CHRM3: variants seen among roughly 807,000 people sequenced by gnomAD.
The protein encoded by CHRM3 is muscarinic acetylcholine receptor M3.
Under a neutral mutation model 41.8 loss-of-function variants are expected in CHRM3, and 11 were observed. That is an observed-to-expected ratio of 0.26 (90% confidence interval 0.17 to 0.44). The LOEUF (loss-of-function observed/expected upper bound fraction) is 0.44. Among genes scored for constraint, CHRM3 ranks in the 20% least tolerant of loss-of-function variants. The pLI is 1.00. For missense variants in CHRM3, 571 were observed against 745.4 expected (o/e 0.77, Z 2.72); for synonymous variants, 297 against 301.4 (o/e 0.99, Z 0.15).
chr1:239,795,294 A>C (rs1669678855), intron 5 of CHRM3, among the ~76,000 whole-genome samples: 2 of 152,222 alleles, frequency 1.3e-5, no homozygotes, highest in Non-Finnish European at 2.9e-5. Flanking sequence ...GTGGATTTAA[A>C]GGATATTTTA....
At chr1:239,562,760 C>T (rs1018704787) in intron 3 of CHRM3, among the ~76,000 whole-genome samples, 11 of 151,832 alleles carry the variant, frequency 7.2e-5, no homozygotes, top group Non-Finnish European at 7.4e-5. Flanking sequence ...TGGTGGCTGA[C>T]GCCAGTAATC....
intron 4 of CHRM3, among the ~76,000 whole-genome samples, chr1:239,655,055 G>A (rs1346256485): frequency 1.3e-5 from 2 of 152,176 alleles, no homozygotes; most frequent in African/African-American, 4.8e-5. Flanking sequence ...GTGGTGAGAA[G>A]TACAAATATA....
chr1:239,400,395 G>A (rs557514174), intron 1 of CHRM3, among the ~76,000 whole-genome samples: 27 of 152,154 alleles, frequency 1.8e-4, no homozygotes, highest in African/African-American at 6.3e-4. Flanking sequence ...TTCTCCCATA[G>A]TTTAGGTCGC....
chr1:239,669,578 T>G (rs566548610), intron 4 of CHRM3, among the ~76,000 whole-genome samples: 13 of 152,224 alleles, frequency 8.5e-5, no homozygotes, highest in African/African-American at 3.1e-4. Context: ...TCACCCAAGT[T>G]GATTCTAAGC....
In CHRM3 at chr1:239,498,648, A is replaced by G. The variant is rs533634947; in HGVS notation, c.-422+5841A>G. The stretch of plus-strand genomic sequence containing the variant: ...CTTACTGATTAATAAATTGTTCATC[A>G]GTGCTGTAATGGACATTACCTTACT... On this transcript the variant is annotated intron_variant, in intron 2 of 6. Coordinates refer to ENST00000676153, the MANE Select transcript of CHRM3 (RefSeq NM_001375978.1). 2.0e-5 allele frequency among the ~76,000 whole-genome samples: 3 copies of G among 152,288 alleles called. No homozygotes were observed. The East Asian group carries it at 5.8e-4, about 29-fold the overall frequency.
intron 2 of CHRM3, among the ~76,000 whole-genome samples, chr1:239,523,849 A>G (rs949295501): frequency 1.3e-5 from 2 of 152,226 alleles, no homozygotes; most frequent in Admixed American, 1.3e-4. Context: ...TTTGTGTAGT[A>G]CAGAGGTTAC....
chr1:239,819,277 C>A (rs6677213), intron 5 of CHRM3, among the ~76,000 whole-genome samples: 1,530 of 152,264 alleles, frequency 0.01, 22 homozygotes, highest in African/African-American at 0.034. Flanking sequence ...TCTCTTAGGT[C>A]CCCCTGCAGG....
At chr1:239,764,798 G>A (rs1325249362) in intron 5 of CHRM3, among the ~76,000 whole-genome samples, 1 of 152,216 alleles carries the variant, frequency 6.6e-6, no homozygotes, top group African/African-American at 2.4e-5. Context: ...CTCTGGGCTT[G>A]ACAAATTCTG....
At chr1:239,654,102 C>T (rs550868981) in intron 4 of CHRM3, among the ~76,000 whole-genome samples, 1 of 152,278 alleles carries the variant, frequency 6.6e-6, no homozygotes, top group African/African-American at 2.4e-5. Flanking sequence ...GCTGGGACCA[C>T]AGATGTGAGC....
intron 6 of CHRM3, among the ~76,000 whole-genome samples, chr1:239,896,095 G>A (rs1678979281): frequency 6.6e-6 from 1 of 152,230 alleles, no homozygotes; most frequent in South Asian, 2.1e-4. Flanking sequence ...AGTAGGTGAA[G>A]ATGAAAGTGT....
intron 6 of CHRM3, among the ~76,000 whole-genome samples, chr1:239,857,706 C>T (rs1180254422): frequency 6.6e-6 from 1 of 152,082 alleles, no homozygotes; most frequent in East Asian, 1.9e-4. Flanking sequence ...TTTGTTTCAC[C>T]TCAGCTAGGT....
At chr1:239,443,135 G>A (rs1253064873) in intron 1 of CHRM3, among the ~76,000 whole-genome samples, 2 of 152,154 alleles carry the variant, frequency 1.3e-5, no homozygotes, top group Non-Finnish European at 2.9e-5. Flanking sequence ...AATTACAAAA[G>A]TCTGAGGTAA....
intron 1 of CHRM3, among the ~76,000 whole-genome samples, chr1:239,460,562 CA>C (rs1386172259): frequency 6.6e-6 from 1 of 152,014 alleles, no homozygotes; most frequent in Non-Finnish European, 1.5e-5. Context: ...CTAAGGAAGA[CA>C]TTATTCCTTA....
intron 3 of CHRM3, among the ~76,000 whole-genome samples, chr1:239,608,799 G>C (rs1341144791): frequency 6.6e-6 from 1 of 152,076 alleles, no homozygotes; most frequent in Middle Eastern, 3.2e-3. Flanking sequence ...GTTTGCTCCA[G>C]GAAGAATTTT....
chr1:239,817,361 T>C (rs529097339), intron 5 of CHRM3, among the ~76,000 whole-genome samples: 3 of 152,298 alleles, frequency 2.0e-5, no homozygotes, highest in African/African-American at 7.2e-5. Context: ...CAAAACTATC[T>C]TTCTCTTCTT....
chr1:239,416,399 G>A (rs1225822047), intron 1 of CHRM3, among the ~76,000 whole-genome samples: 1 of 146,444 alleles, frequency 6.8e-6, no homozygotes, highest in African/African-American at 2.5e-5. Flanking sequence ...TACAACTTCT[G>A]ACAGATATTT....
At chr1:239,757,491 G>A (rs1023667968) in intron 5 of CHRM3, among the ~76,000 whole-genome samples, 2 of 152,016 alleles carry the variant, frequency 1.3e-5, no homozygotes, top group Non-Finnish European at 2.9e-5. Flanking sequence ...TTAGCCAGGC[G>A]TGGTGGCGAG....
chr1:239,693,784 T>G (rs185099790), intron 5 of CHRM3, among the ~76,000 whole-genome samples: 1 of 152,318 alleles, frequency 6.6e-6, no homozygotes, highest in Non-Finnish European at 1.5e-5. Context: ...ACTTTGGATA[T>G]GCCATGCAAG....
intron 5 of CHRM3, among the ~76,000 whole-genome samples, chr1:239,728,369 CA>C (rs532966878): frequency 8.6e-4 from 130 of 152,004 alleles, no homozygotes; most frequent in South Asian, 7.0e-3. Context: ...ATTCTGTAAC[CA>C]ACTCTCTGAT....
Sources: allele counts gnomAD v4.1 joint callset (sites outside exome capture counted in the v4.1 genomes callset), GRCh38; gene constraint gnomAD v4.1.1; transcripts MANE v1.5; gene names NCBI Gene and HGNC (gene_info 2026-07-23, HGNC 2026-07-21).